Variants in FCSK observed in about 807,000 individuals in gnomAD.
FCSK encodes the protein L-fucose kinase.
Under a neutral mutation model 122.5 loss-of-function variants are expected in FCSK, and 123 were observed. The observed-to-expected ratio is 1.00, with a 90% confidence interval of 0.87 to 1.17. The LOEUF is 1.17. Among genes scored for constraint, FCSK ranks in the 50% most tolerant of loss-of-function variants. FCSK has a pLI of 0.00. For synonymous variants in FCSK, 620 were observed against 625.5 expected, an observed-to-expected ratio of 0.99 and a Z score of 0.13; for missense variants, 1,366 against 1,450.4, an observed-to-expected ratio of 0.94 and a Z score of 0.95.
Position 70,466,424 on chromosome 16 carries a change from G to A in FCSK, c.411+167G>A, listed in dbSNP as rs899337249. On this transcript the variant is annotated intron_variant, in intron 5 of 23. Coordinates refer to ENST00000288078, the MANE Select transcript of FCSK (RefSeq NM_145059.3). ...GAAGTTAGTTGTGTCTGGGGGCAGT[G>A]GCTCATGCCTATAATTTCAGCACTT... The A allele has an allele frequency of 5.0e-6, 4 of 793,060 alleles. No individual in the cohort carries two copies. In the African/African-American group the frequency reaches 7.0e-5, roughly 14 times the overall value. The allele number at this position is 793,060 out of a possible 1,614,324, so 49.1% of individuals were successfully genotyped here. A position where few individuals can be genotyped will look rare whatever the true frequency, so the allele number is the denominator to read the frequency against.
Position 70,479,671 on chromosome 16 carries a change from T to C in FCSK, c.3246T>C (p.Pro1082=), listed in dbSNP as rs544693985. Residue 1082 remains proline, a synonymous_variant, in exon 24 of 24, where the codon CCT becomes CCC. Coordinates refer to ENST00000288078, the MANE Select transcript of FCSK (RefSeq NM_145059.3). ...LLGTEASTCC[P]FP ...GGACCGAGGCCTCAACCTGTTGCCC[T>C]TTCCCATGAAGCTGGCTTCTCTCTG... The C allele has an allele frequency of 6.2e-7, 1 of 1,613,594 alleles. No individual in the cohort carries two copies.
chr16:70,461,306 G>T (rs1405113215), intron 1 of FCSK, among the ~76,000 whole-genome samples: 1 of 152,158 alleles, frequency 6.6e-6, no homozygotes, highest in Non-Finnish European at 1.5e-5. Context: ...TTGAGGGGTG[G>T]AGGGAGGAAA....
intron 20 of FCSK, 123 bp downstream of exon 20, chr16:70,475,890 G>A (rs2048796745): frequency 1.2e-5 from 12 of 1,035,180 alleles, no homozygotes; most frequent in South Asian, 2.2e-5. Context: ...GCTGCTGTTG[G>A]AAATACTTTC....
intron 9 of FCSK, 70 bp downstream of exon 9, chr16:70,469,038 A>G: frequency 6.8e-6 from 11 of 1,606,864 alleles, no homozygotes; most frequent in Non-Finnish European, 9.3e-6. Context: ...CAGGCCAGCC[A>G]CTTCCCCTCT....
intron 1 of FCSK, chr16:70,462,309 G>C (rs1298351008): frequency 6.6e-6 from 1 of 151,974 alleles, no homozygotes; most frequent in Non-Finnish European, 1.5e-5. Context: ...CACTACACCT[G>C]TCCTGGCCTT....
intron 2 of FCSK, 59 bp from the exon 3 acceptor site, chr16:70,463,564 G>A (rs1015080648): frequency 6.3e-6 from 10 of 1,594,184 alleles, no homozygotes; most frequent in East Asian, 2.2e-5. Flanking sequence ...GCTTGCTTAC[G>A]TGCTTTGGGC....
At position 70,461,977 on chromosome 16, in the gene FCSK, C is replaced by G. The variant is rs1394080423; in HGVS notation, c.-22-1192C>G. 1.5e-4 allele frequency among the ~76,000 whole-genome samples: 23 copies of G among 152,166 alleles called. 1 individual carries two copies. The highest frequency in any genetic ancestry group is 1.5e-3 in the Admixed American group (23 of 15,268). The stretch of plus-strand genomic sequence containing the variant: ...AAAAACTGGAGATGGCCCAGATGCT[C>G]TTCAGTGGGTAAATGGAGAAACAGA... On this transcript the variant is annotated intron_variant, in intron 1 of 23. Coordinates refer to ENST00000288078, the MANE Select transcript of FCSK (RefSeq NM_145059.3).
intron 20 of FCSK, chr16:70,477,675 A>G (rs9921410): frequency 0.12 from 18,354 of 152,590 alleles, 3,662 homozygotes; most frequent in African/African-American, 0.41. Flanking sequence ...CTCTCCTCTG[A>G]CTAAAACTCC....
chr16:70,456,936 C>G (rs2048109281), intron 1 of FCSK, among the ~76,000 whole-genome samples: 1 of 151,954 alleles, frequency 6.6e-6, no homozygotes, highest in African/African-American at 2.4e-5. Context: ...AGGAGAATGG[C>G]TTGAACCTGG....
At chr16:70,460,095 G>A (rs544018083) in intron 1 of FCSK, among the ~76,000 whole-genome samples, 3 of 143,294 alleles carry the variant, frequency 2.1e-5, no homozygotes, top group South Asian at 2.2e-4. Context: ...CGCCAACCAC[G>A]TCTAGCCTCT....
rs148538014 is a variant in FCSK, at chr16:70,459,635, C to G, written c.-22-3534C>G. 6.0e-3 allele frequency among the ~76,000 whole-genome samples: 913 copies of G among 151,046 alleles called. 19 individuals carry two copies. The highest frequency in any genetic ancestry group is 0.021 in the African/African-American group (866 of 40,932). ...CTAGCTTTGGCAAGTTACTTCATCT[C>G]TCTGTGCCTCATTTCTCCGTCTTTT... On this transcript the variant is annotated intron_variant, in intron 1 of 23. Coordinates refer to ENST00000288078, the MANE Select transcript of FCSK (RefSeq NM_145059.3).
intron 20 of FCSK, chr16:70,476,235 C>A (rs1294702361): frequency 6.6e-6 from 1 of 152,448 alleles, no homozygotes. Context: ...GATCTCCTGA[C>A]CTCGTGATCC....
In FCSK at chr16:70,468,882, GC is replaced by G; in HGVS notation, c.699del (p.Glu234SerfsTer4). The G allele has an allele frequency of 6.2e-7, 1 of 1,614,088 alleles. No individual in the cohort carries two copies. Among genetic ancestry groups the G allele is most frequent in the Non-Finnish European group, 8.5e-7 (1 of 1,180,002 alleles). Reference sequence around the variant, plus strand: ...GGTTGTCTTCTTCTCTGTGGAGACTGCCGAGCGCCTCCTAGCCACCCACGTG... The same window carrying G: ...GGTTGTCTTCTTCTCTGTGGAGACTGCGAGCGCCTCCTAGCCACCCACGTG... The part of the protein sequence containing the change: ...SGVVFFSVET[A>X]ERLLATHVSP... On this transcript the variant is annotated frameshift_variant, in exon 9 of 24. Transcript: ENST00000288078. LOFTEE classifies it high-confidence loss of function.
rs767706204 is a variant in FCSK at position 70,479,362 on chromosome 16, C to T, written c.3112C>T (p.Gln1038Ter). The change falls in exon 23 of 24, where the codon CAG (glutamine) becomes TAG (stop). Residue 1038 changes from glutamine to a stop codon, truncating the protein, a stop_gained. Transcript: ENST00000288078. LOFTEE classifies it high-confidence loss of function. ...TCTCTATCTGTTGACCAAGGAGCCA[C>T]AGCAAAAGGAGGCCTTGGAGGCGGT... ...GFLYLLTKEPQQKEALEAVLA... is the reference protein window; with the variant it reads ...GFLYLLTKEP 3.1e-6 allele frequency: 5 copies of T among 1,613,966 alleles called. No individual in the cohort carries two copies. Among genetic ancestry groups the T allele is most frequent in the Non-Finnish European group, 4.2e-6 (5 of 1,180,014 alleles).
chr16:70,465,394 A>G (rs1597612092), intron 4 of FCSK, among the ~76,000 whole-genome samples: 2 of 152,278 alleles, frequency 1.3e-5, no homozygotes, highest in Admixed American at 6.5e-5. Context: ...GCAGTGGCTC[A>G]TGCCTGTAAA....
At position 70,467,562 on chromosome 16, in the gene FCSK, C is replaced by T. The variant is rs17879684; in HGVS notation, c.582+91C>T. 8,257 of 1,000,304 alleles carry T rather than the reference C, an allele frequency of 8.3e-3. 459 individuals carry two copies. The African/African-American group carries it at 0.12, about 14-fold the overall frequency. The allele number at this position is 1,000,304 out of a possible 1,614,324, so 62.0% of individuals were successfully genotyped here. ...CCCTGTCAGTGGGCAGCCTCTCATCCTGGATTTCCTCGCATGTTCCTGAAT... is the reference window on the plus strand; with the variant it reads ...CCCTGTCAGTGGGCAGCCTCTCATCTTGGATTTCCTCGCATGTTCCTGAAT... On this transcript the variant is annotated intron_variant, in intron 7 of 23. Transcript: ENST00000288078.
chr16:70,475,692 C>T lies in FCSK; in HGVS notation c.2566C>T (p.Arg856Ter), dbSNP rs766181080. The change falls in exon 20 of 24, where the codon CGA becomes TGA. Residue 856 changes from arginine (R) to a stop codon, truncating the protein, a stop_gained. Transcript: ENST00000288078. LOFTEE classifies it high-confidence loss of function. Reference sequence around the variant, plus strand: ...AGGCACTGCCCTGGCTGCCTTGCAGCGAGCCGCAGGCCGGGTGGTGGGCAC... The same window carrying T: ...AGGCACTGCCCTGGCTGCCTTGCAGTGAGCCGCAGGCCGGGTGGTGGGCAC... ...LAGTALAALQ[R>*]AAGRVVGTEA... is the part of the protein sequence containing the mutation. The T allele has an allele frequency of 2.5e-5, 40 of 1,601,248 alleles. No individual in the cohort carries two copies. The highest frequency in any genetic ancestry group is 3.2e-5 in the Non-Finnish European group (38 of 1,174,324).
intron 3 of FCSK, 26 bp from the exon 4 acceptor site, chr16:70,465,100 T>C: frequency 6.2e-7 from 1 of 1,613,140 alleles, no homozygotes; most frequent in Non-Finnish European, 8.5e-7. Context: ...GAGGCCTCTG[T>C]TCACAGGGCT....
At chr16:70,475,925 G>T in intron 20 of FCSK, 158 bp downstream of exon 20, 1 of 764,500 alleles carries the variant, frequency 1.3e-6, no homozygotes, top group Non-Finnish European at 1.9e-6. Context: ...GACCTTCTCT[G>T]GTCGTTTTCA....
Sources: gnomAD v4.1 joint callset for allele counts (sites outside exome capture counted in the v4.1 genomes callset) on GRCh38, gnomAD v4.1.1 for gene constraint, MANE v1.5 for transcripts, NCBI Gene and HGNC (gene_info 2026-07-23, HGNC 2026-07-21) for gene names.